Variants in NECAB2 observed in about 807,000 individuals in gnomAD.
The protein encoded by NECAB2 is N-terminal EF-hand calcium binding protein 2.
NECAB2 carries 68 observed loss-of-function variants against 51.9 expected under a neutral mutation model. The ratio of observed to expected loss-of-function variants is 1.31; its 90% CI spans 1.08 to 1.60. The LOEUF (loss-of-function observed/expected upper bound fraction) is 1.60, where lower values mean the gene tolerates loss of function less well. Among genes scored for constraint, NECAB2 ranks in the 40% most tolerant of loss-of-function variants. NECAB2 has a pLI of 0.00. For synonymous variants in NECAB2, 329 were observed against 203.5 expected (o/e 1.62, Z -5.25); for missense variants, 854 against 490.3 (o/e 1.74, Z -7.00).
intron 2 of NECAB2, 68 bp downstream of exon 2, chr16:83,972,243 C>G (rs1402799973): frequency 6.2e-7 from 1 of 1,607,714 alleles, no homozygotes; most frequent in East Asian, 2.2e-5. Flanking sequence ...GGGAAGGGAT[C>G]AGGGATAGGA....
At chr16:83,995,304 G>C (rs1388080925) in intron 8 of NECAB2, among the ~76,000 whole-genome samples, 1 of 152,174 alleles carries the variant, frequency 6.6e-6, no homozygotes, top group South Asian at 2.1e-4. Context: ...GTATCAGTCA[G>C]AATTCTGGTT....
intron 2 of NECAB2, among the ~76,000 whole-genome samples, chr16:83,973,879 AGTGT>A (rs1199878016): frequency 2.0e-5 from 3 of 151,242 alleles, no homozygotes; most frequent in Non-Finnish European, 4.4e-5. Context: ...GTGCATCCCG[AGTGT>A]GTGTGCAGTT....
In NECAB2 at chr16:84,001,903, G is replaced by A. The variant is rs544369734; in HGVS notation, c.1119G>A (p.Arg373=). 1 of 1,614,004 alleles carries A rather than the reference G, an allele frequency of 6.2e-7. No individual in the cohort carries two copies. Among genetic ancestry groups the A allele is most frequent in the East Asian group, 2.2e-5 (1 of 44,884 alleles). Residue 373 remains arginine (R), a synonymous_variant, in exon 12 of 13, where the codon AGG becomes AGA. Coordinates refer to ENST00000305202, the MANE Select transcript of NECAB2 (RefSeq NM_019065.3). ...DTLSQPEALS[R]ILVPAAWCTV... ...TGAGCCAGCCTGAGGCCCTCTCCAG[G>A]ATCTTGGTGCCAGGTAGGGGGCAAA...
At chr16:83,974,423 C>T (rs1185314406) in intron 2 of NECAB2, among the ~76,000 whole-genome samples, 4 of 152,204 alleles carry the variant, frequency 2.6e-5, no homozygotes, top group Non-Finnish European at 5.9e-5. Flanking sequence ...TGCTCTGCCT[C>T]AAATGCCTCG....
chr16:83,983,057 C>T (rs563531910), intron 5 of NECAB2, among the ~76,000 whole-genome samples: 4 of 151,640 alleles, frequency 2.6e-5, no homozygotes, highest in South Asian at 2.1e-4. Context: ...TTAGTAGAGA[C>T]GGGGTTTCAC....
At chr16:83,977,636 C>A (rs2084430049) in intron 2 of NECAB2, among the ~76,000 whole-genome samples, 1 of 152,136 alleles carries the variant, frequency 6.6e-6, no homozygotes, top group Non-Finnish European at 1.5e-5. Flanking sequence ...AGAAGCACAG[C>A]CTCTGGCCAG....
At chr16:83,995,747 G>A (rs539443617) in intron 8 of NECAB2, among the ~76,000 whole-genome samples, 3 of 152,284 alleles carry the variant, frequency 2.0e-5, no homozygotes, top group East Asian at 3.9e-4. Flanking sequence ...CCGCATGGAG[G>A]GAGACAGAGG....
chr16:83,976,612 G>C (rs1033795343), intron 2 of NECAB2, among the ~76,000 whole-genome samples: 1 of 152,202 alleles, frequency 6.6e-6, no homozygotes, highest in Non-Finnish European at 1.5e-5. Context: ...TCTTTGGTTT[G>C]TGCATGTGTG....
intron 9 of NECAB2, among the ~76,000 whole-genome samples, chr16:83,997,934 G>A (rs1395531944): frequency 1.3e-5 from 2 of 152,158 alleles, no homozygotes; most frequent in East Asian, 1.9e-4. Context: ...CCTGGAGGCT[G>A]TGCAGGTGGT....
chr16:83,999,761 C>T (rs377400454), intron 10 of NECAB2, among the ~76,000 whole-genome samples: 17 of 152,234 alleles, frequency 1.1e-4, no homozygotes, highest in African/African-American at 3.9e-4. Flanking sequence ...CCCAGCACCC[C>T]CTCCCCTCAG....
rs148789575 is a variant in NECAB2, at chr16:84,000,734, G to T, written c.973G>T (p.Val325Leu). The change falls in exon 11 of 13, where the codon GTG becomes TTG. Residue 325 changes from valine to leucine, a missense_variant. Coordinates refer to ENST00000305202, the MANE Select transcript of NECAB2 (RefSeq NM_019065.3). ...CATCTCCTGTTGCAGCATCACTGCC[G>T]TGAGGCTCTCAGATGGCTTCACCTT... ...GVRNCFHITA[V>L]RLSDGFTFVI... The T allele has an allele frequency of 3.7e-6, 6 of 1,613,718 alleles. No homozygotes were observed. The highest frequency in any genetic ancestry group is 5.1e-6 in the Non-Finnish European group (6 of 1,179,950).
At chr16:83,991,309 C>T (rs61604407) in intron 6 of NECAB2, among the ~76,000 whole-genome samples, 3 of 150,740 alleles carry the variant, frequency 2.0e-5, no homozygotes, top group Admixed American at 2.0e-4. Context: ...CTCTCTCTTT[C>T]TTTCTCTCTT....
At chr16:83,984,866 T>G (rs909001319) in intron 5 of NECAB2, among the ~76,000 whole-genome samples, 4 of 152,254 alleles carry the variant, frequency 2.6e-5, no homozygotes, top group Non-Finnish European at 4.4e-5. Flanking sequence ...CTGGCACATT[T>G]ATTTAAATTT....
At chr16:83,996,743 G>A (rs1425316998) in intron 8 of NECAB2, among the ~76,000 whole-genome samples, 1 of 152,186 alleles carries the variant, frequency 6.6e-6, no homozygotes, top group East Asian at 1.9e-4. Flanking sequence ...GGCGAACAGA[G>A]CAGATGTGGT....
At chr16:83,991,425 G>C (rs2084624123) in intron 6 of NECAB2, among the ~76,000 whole-genome samples, 1 of 143,214 alleles carries the variant, frequency 7.0e-6, no homozygotes, top group African/African-American at 2.6e-5. Flanking sequence ...GGAGTGCAGT[G>C]GCGAGATCTC....
intron 2 of NECAB2, among the ~76,000 whole-genome samples, chr16:83,977,120 G>A (rs1012142517): frequency 6.6e-6 from 1 of 152,184 alleles, no homozygotes; most frequent in Non-Finnish European, 1.5e-5. Context: ...CCATAGGAAG[G>A]TGCCATGTGG....
At chr16:83,997,687 G>T (rs1489775058) in intron 9 of NECAB2, among the ~76,000 whole-genome samples, 1 of 151,728 alleles carries the variant, frequency 6.6e-6, no homozygotes, top group African/African-American at 2.4e-5. Context: ...GACGGACAGG[G>T]TTTCACCATG....
chr16:84,002,286 T>C (rs200173737), intron 12 of NECAB2, 32 bp from the exon 13 acceptor site: 4 of 1,613,204 alleles, frequency 2.5e-6, no homozygotes, highest in Non-Finnish European at 3.4e-6. Context: ...ACATTCGCAC[T>C]CCTTCCCTCT....
chr16:83,997,923 C>A (rs761746494), intron 9 of NECAB2, among the ~76,000 whole-genome samples: 2 of 152,134 alleles, frequency 1.3e-5, no homozygotes, highest in Non-Finnish European at 2.9e-5. Context: ...TGTCTCCAGG[C>A]CCTGGAGGCT....
Sources: allele counts gnomAD v4.1 joint callset (sites outside exome capture counted in the v4.1 genomes callset), GRCh38; gene constraint gnomAD v4.1.1; transcripts MANE v1.5; gene names NCBI Gene and HGNC (gene_info 2026-07-23, HGNC 2026-07-21).